The following ZNF529 variants were observed in gnomAD, a reference collection of about 807,000 sequenced individuals.
ZNF529 encodes zinc finger protein 529.
A neutral mutation model predicts 10.1 loss-of-function variants in ZNF529; 11 were observed. That is an observed-to-expected ratio of 1.09 (90% CI 0.69 to 1.81). The LOEUF (loss-of-function observed/expected upper bound fraction) is 1.81, where lower values mean the gene tolerates loss of function less well. Ranked by LOEUF, ZNF529 falls within the 40% of genes most tolerant of loss-of-function variation. ZNF529 has a pLI of 0.00. For synonymous variants in ZNF529, 204 were observed against 215.7 expected, an observed-to-expected ratio of 0.95 and a Z score of 0.47; for missense variants, 624 against 666.8, an observed-to-expected ratio of 0.94 and a Z score of 0.71.
intron 2 of ZNF529, among the ~76,000 whole-genome samples, chr19:36,556,588 G>A (rs2145809963): frequency 1.3e-5 from 2 of 152,360 alleles, no homozygotes; most frequent in Admixed American, 1.3e-4. Context: ...TAACTTGGAT[G>A]TGGTACTGCT....
intron 1 of ZNF529, among the ~76,000 whole-genome samples, chr19:36,598,194 T>C (rs761978137): frequency 6.6e-6 from 1 of 152,158 alleles, no homozygotes; most frequent in Non-Finnish European, 1.5e-5. Context: ...CTCTGTATTC[T>C]CTATGGTTTT....
At chr19:36,599,256 A>AATAC (rs946567893) in intron 1 of ZNF529, among the ~76,000 whole-genome samples, 17 of 152,202 alleles carry the variant, frequency 1.1e-4, no homozygotes, top group African/African-American at 4.1e-4. Flanking sequence ...AGTCTGTACA[A>AATAC]ATACATACAT....
intron 2 of ZNF529, chr19:36,582,701 C>T (rs890800012): frequency 8.8e-6 from 1 of 113,034 alleles, no homozygotes; most frequent in African/African-American, 3.3e-5. Flanking sequence ...GAGCGAGACT[C>T]CATCTTAAAA....
chr19:36,579,114 T>C lies in ZNF529; in HGVS notation c.-41+10501A>G, dbSNP rs77918992. Among the ~76,000 whole-genome samples the C allele has an allele frequency of 5.5e-3, 835 of 151,756 alleles. 23 individuals carry two copies. The highest frequency in any genetic ancestry group is 0.037 in the Admixed American group (568 of 15,260). On this transcript the variant is annotated intron_variant, in intron 2 of 4. Transcript: ENST00000585960. ...CTACTCGGGAGGCTGAGGCAGAGAA[T>C]TGCTTGAACCCGGTAGGTGGAGGTT... is the stretch of plus-strand genomic sequence containing the variant.
upstream of ZNF529, chr19:36,573,395 G>C (rs1483874567): frequency 2.1e-6 from 1 of 465,302 alleles, no homozygotes; most frequent in East Asian, 7.0e-5. Flanking sequence ...AGCGGAGCCC[G>C]CTGGCCGCAG....
chr19:36,585,748 A>G (rs2036566052), intron 2 of ZNF529, among the ~76,000 whole-genome samples: 1 of 152,230 alleles, frequency 6.6e-6, no homozygotes, highest in South Asian at 2.1e-4. Context: ...AGCAGTGGCA[A>G]CATTGGGAGG....
chr19:36,566,468 G>A (rs558090937), intron 2 of ZNF529, among the ~76,000 whole-genome samples: 5 of 151,996 alleles, frequency 3.3e-5, no homozygotes, highest in African/African-American at 4.8e-5. Context: ...CAGGCAGATC[G>A]CTTGAGCCCA....
At chr19:36,600,904 A>C (rs1237492993) in intron 1 of ZNF529, among the ~76,000 whole-genome samples, 1 of 152,206 alleles carries the variant, frequency 6.6e-6, no homozygotes, top group East Asian at 1.9e-4. Flanking sequence ...AGTTAAAATC[A>C]ATCAGTTCAC....
rs888163499 is a variant in ZNF529 at position 36,544,647 on chromosome 19, T to G, written c.*2219A>C. The G allele has an allele frequency of 6.6e-6, 1 of 152,212 alleles. No individual in the cohort carries two copies. The highest frequency in any genetic ancestry group is 2.4e-5 in the African/African-American group (1 of 41,466). 9.4% of individuals were successfully genotyped at this position (152,212 alleles called of 1,614,324 possible). A position where few individuals can be genotyped will look rare whatever the true frequency, so the allele number is the denominator to read the frequency against. On this transcript the variant is annotated 3_prime_UTR_variant, in exon 5 of 5. Transcript: ENST00000591340. Reference sequence around the variant, plus strand: ...GAGCTACTACTCTATTTCAAAGATATGAAATAGCAAATATCCTGACAAAAA... The same window carrying G: ...GAGCTACTACTCTATTTCAAAGATAGGAAATAGCAAATATCCTGACAAAAA...
At chr19:36,594,539 C>CCAGCCAA (rs2036798142) in intron 1 of ZNF529, 1 of 152,368 alleles carries the variant, frequency 6.6e-6, no homozygotes, top group Admixed American at 6.6e-5. Context: ...AGCTGAAGCT[C>CCAGCCAA]CAGCCAACAG....
upstream of ZNF529, chr19:36,577,489 ACT>A (rs2036353803): frequency 1.4e-5 from 2 of 147,464 alleles, no homozygotes; most frequent in East Asian, 2.0e-4. Context: ...AGAAGATTGT[ACT>A]CTCTTTTTTT....
chr19:36,587,055 A>C (rs996648482), intron 2 of ZNF529, among the ~76,000 whole-genome samples: 1 of 152,142 alleles, frequency 6.6e-6, no homozygotes, highest in Non-Finnish European at 1.5e-5. Context: ...ACTTAAGGTC[A>C]GGAGTTGGAG....
intron 2 of ZNF529, among the ~76,000 whole-genome samples, chr19:36,559,060 C>T (rs1318401576): frequency 1.3e-5 from 2 of 151,738 alleles, no homozygotes; most frequent in Admixed American, 1.3e-4. Flanking sequence ...CAGGGAAATG[C>T]AAATCAAAAC....
chr19:36,586,574 C>T (rs2036584102), intron 2 of ZNF529, among the ~76,000 whole-genome samples: 2 of 151,522 alleles, frequency 1.3e-5, no homozygotes, highest in Admixed American at 1.3e-4. Flanking sequence ...CATTGCACTC[C>T]AGCCTGGGCA....
At chr19:36,563,191 G>A (rs2035773580) in intron 2 of ZNF529, among the ~76,000 whole-genome samples, 1 of 152,112 alleles carries the variant, frequency 6.6e-6, no homozygotes, top group African/African-American at 2.4e-5. Context: ...GGAGGGTGAG[G>A]CAGGTGGATC....
intron 3 of ZNF529, among the ~76,000 whole-genome samples, chr19:36,555,189 G>A (rs1329857359): frequency 6.6e-6 from 1 of 152,144 alleles, no homozygotes; most frequent in Non-Finnish European, 1.5e-5. Context: ...TGAAAATGGG[G>A]TATGAATAAA....
upstream of ZNF529, chr19:36,573,697 G>C (rs1600322615): frequency 3.0e-6 from 1 of 333,786 alleles, no homozygotes; most frequent in East Asian, 7.8e-5. Context: ...AGGGAGTCGC[G>C]GACCCGGCTG....
rs533361561 is a variant in ZNF529 at position 36,548,953 on chromosome 19, A to G, written c.236-631T>C. ...AGGAGGTGGAGGCTGCAGGGAGCTG[A>G]GATTGCACCACTGCACTCTAGCCTG... On this transcript the variant is annotated intron_variant, in intron 4 of 4. Coordinates refer to ENST00000591340, the MANE Select transcript of ZNF529 (RefSeq NM_020951.5). 9.2e-5 allele frequency among the ~76,000 whole-genome samples: 14 copies of G among 152,308 alleles called. No individual in the cohort carries two copies. In the East Asian group the frequency reaches 2.5e-3, roughly 27 times the overall value.
upstream of ZNF529, chr19:36,577,015 C>G (rs918472039): frequency 4.0e-5 from 10 of 252,970 alleles, no homozygotes. Flanking sequence ...GGCAGTGGCA[C>G]AATCTTGGCT....
Sources: allele counts gnomAD v4.1 joint callset (sites outside exome capture counted in the v4.1 genomes callset), GRCh38; gene constraint gnomAD v4.1.1; transcripts MANE v1.5; gene names NCBI Gene and HGNC (gene_info 2026-07-23, HGNC 2026-07-21).